The following MED23 variants were observed in gnomAD, a reference collection of about 807,000 sequenced individuals.
MED23 encodes mediator complex subunit 23.
MED23 carries 105 observed loss-of-function variants against 163.9 expected under a neutral mutation model. The ratio of observed to expected loss-of-function variants is 0.64; its 90% CI spans 0.55 to 0.75. The LOEUF is 0.75. Among genes scored for constraint, MED23 ranks in the 30% least tolerant of loss-of-function variants. MED23 has a pLI of 0.00. For synonymous variants in MED23, 561 were observed against 565.6 expected (o/e 0.99, Z 0.12); for missense variants, 1,054 against 1,649.0 (o/e 0.64, Z 6.25).
intron 18 of MED23, 139 bp downstream of exon 18, chr6:131,599,899 A>G: frequency 1.9e-6 from 2 of 1,052,332 alleles, no homozygotes; most frequent in Admixed American, 2.1e-5. Context: ...TTGTGCCACC[A>G]TGCCCAGCCC....
intron 10 of MED23, among the ~76,000 whole-genome samples, chr6:131,610,981 T>C (rs1776239194): frequency 6.6e-6 from 1 of 152,182 alleles, no homozygotes; most frequent in Admixed American, 6.5e-5. Context: ...CTTCCCTTTC[T>C]AGAGGCAAAA....
At chr6:131,593,386 T>C (rs556651769) in intron 23 of MED23, among the ~76,000 whole-genome samples, 21 of 152,326 alleles carry the variant, frequency 1.4e-4, no homozygotes, top group South Asian at 6.2e-4. Context: ...TGGGTTCTTA[T>C]AAATATGACA....
intron 12 of MED23, 108 bp downstream of exon 12, chr6:131,607,820 T>C (rs1357719322): frequency 8.0e-7 from 1 of 1,247,472 alleles, no homozygotes; most frequent in African/African-American, 1.5e-5. Flanking sequence ...TCAATTGTGA[T>C]TTAGCATAAA....
In MED23 at chr6:131,603,335, T is replaced by C. The variant is rs545648546; in HGVS notation, c.1757-131A>G. 33 of 842,906 alleles carry C rather than the reference T, an allele frequency of 3.9e-5. No individual in the cohort carries two copies. The African/African-American group carries it at 5.3e-4, about 13-fold the overall frequency. 52.2% of individuals were successfully genotyped at this position (842,906 alleles called of 1,614,324 possible). A position where few individuals can be genotyped will look rare whatever the true frequency, so the allele number is the denominator to read the frequency against. Reference sequence around the variant, plus strand: ...TACACACGCCCACACACATATATATTCTCCATATTTTCTTATTTTCTACTT... The same window carrying C: ...TACACACGCCCACACACATATATATCCTCCATATTTTCTTATTTTCTACTT... On this transcript the variant is annotated intron_variant, in intron 15 of 28. Coordinates refer to ENST00000368068, the MANE Select transcript of MED23 (RefSeq NM_004830.4).
At chr6:131,575,995 T>A (rs1773593053) in intron 30 of MED23, among the ~76,000 whole-genome samples, 1 of 152,212 alleles carries the variant, frequency 6.6e-6, no homozygotes, top group Non-Finnish European at 1.5e-5. Flanking sequence ...GTCTCTTTCA[T>A]GTCACACTCT....
At chr6:131,626,257 A>G (rs1245682206) in intron 3 of MED23, among the ~76,000 whole-genome samples, 1 of 152,134 alleles carries the variant, frequency 6.6e-6, no homozygotes, top group Non-Finnish European at 1.5e-5. Flanking sequence ...TGACTCAGCA[A>G]TACTATTTCT....
rs200823095 is a variant in MED23 at position 131,627,676 on chromosome 6, T to TAAAAA, written c.40-9_40-5dup. 5.4e-5 allele frequency: 79 copies of TAAAAA among 1,459,496 alleles called. No homozygotes were observed. The highest frequency in any genetic ancestry group is 4.4e-4 in the East Asian group (19 of 43,000). The allele number at this position is 1,459,496 out of a possible 1,614,324, so 90.4% of individuals were successfully genotyped here. A position where few individuals can be genotyped will look rare whatever the true frequency, so the allele number is the denominator to read the frequency against. On this transcript the variant is annotated splice_region_variant and splice_polypyrimidine_tract_variant and intron_variant, in intron 1 of 28. Transcript: ENST00000368068. ...CCTCTTCTATAACTTCCGTTTTCTG[T>TAAAAA]AAAAAAAAAAAAAACAAAATGTAAA...
intron 10 of MED23, 188 bp downstream of exon 10, chr6:131,615,719 A>C (rs749451129): frequency 1.5e-6 from 1 of 647,788 alleles, no homozygotes; most frequent in South Asian, 1.7e-5. Flanking sequence ...TTTTCTTTTT[A>C]AATTTAAACA....
chr6:131,622,066 C>T lies in MED23; in HGVS notation c.397-87G>A, dbSNP rs1777150780. On this transcript the variant is annotated intron_variant, in intron 5 of 28. Transcript: ENST00000368068. ...TCCGAAGGTTTCAGGGTGATATATT[C>T]CTTCAAGGTCACACCTTTAAATTTT... 3 of 881,090 alleles carry T rather than the reference C, an allele frequency of 3.4e-6. No homozygotes were observed. In the South Asian group the frequency reaches 4.3e-5, roughly 13 times the overall value. The allele number at this position is 881,090 out of a possible 1,614,324, so 54.6% of individuals were successfully genotyped here.
chr6:131,612,437 T>C (rs758407664), intron 10 of MED23, among the ~76,000 whole-genome samples: 4 of 152,066 alleles, frequency 2.6e-5, no homozygotes, highest in Non-Finnish European at 5.9e-5. Flanking sequence ...GGAACAAACA[T>C]TTGTAAAGCA....
At chr6:131,583,866 G>A, downstream of MED23, 1 of 1,614,126 alleles carries the variant, frequency 6.2e-7, no homozygotes, top group Non-Finnish European at 8.5e-7. Context: ...TTGCTCGGGA[G>A]GGTAATCACA....
chr6:131,579,057 G>GAC, intron 30 of MED23: 1 of 1,589,674 alleles, frequency 6.3e-7, no homozygotes, highest in Non-Finnish European at 8.6e-7. Flanking sequence ...ATCCTACACA[G>GAC]ACTGATTTAT....
chr6:131,617,195 G>A (rs111256776), intron 9 of MED23, among the ~76,000 whole-genome samples: 3,020 of 149,734 alleles, frequency 0.02, 120 homozygotes, highest in African/African-American at 0.071. Context: ...GTCATCTTAC[G>A]GCTTTCTAGA....
At chr6:131,618,605 CT>C (rs1170418950) in intron 8 of MED23, 86 bp from the exon 9 acceptor site, 69 of 867,416 alleles carry the variant, frequency 8.0e-5, no homozygotes, top group Middle Eastern at 6.5e-4. Flanking sequence ...AACATATATG[CT>C]GAAATAGGCA....
At chr6:131,591,593 G>T in intron 25 of MED23, 66 bp from the exon 26 acceptor site, 2 of 1,191,758 alleles carry the variant, frequency 1.7e-6, no homozygotes, top group Non-Finnish European at 2.5e-6. Flanking sequence ...AAAGTCTAAA[G>T]TAATAGTGTT....
chr6:131,628,013 C>G lies in MED23; in HGVS notation c.37G>C (p.Val13Leu). 1 of 1,614,088 alleles carries G rather than the reference C, an allele frequency of 6.2e-7. No homozygotes were observed. The highest frequency in any genetic ancestry group is 1.1e-5 in the South Asian group (1 of 91,086). The stretch of plus-strand genomic sequence containing the variant: ...GGATGGCCGGCAGCTGCACTCACCA[C>G]CACCTCTTCGAAAATGCTCTGCAGT... ...TQLQSIFEEV[V>L]KTEVIEEAFP... The change falls in exon 1 of 29, where the codon GTG becomes CTG. Residue 13 changes from valine to leucine, a missense_variant and splice_region_variant. By Grantham distance (32) the Val-to-Leu change is conservative (BLOSUM62 1). Around this residue, in one of 11 missense-constraint regions of MED23, gnomAD observed 227 missense variants for 235.5 expected, o/e 0.96. Transcript: ENST00000368068.
At chr6:131,583,399 A>T, downstream of MED23, 1 of 1,614,154 alleles carries the variant, frequency 6.2e-7, no homozygotes, top group East Asian at 2.2e-5. Context: ...GACGGACTGG[A>T]CCCATCTTTC....
At chr6:131,609,956 A>C (rs1424015092) in intron 11 of MED23, 90 bp downstream of exon 11, 3 of 1,250,996 alleles carry the variant, frequency 2.4e-6, no homozygotes, top group Non-Finnish European at 3.5e-6. Flanking sequence ...AACTTCTGTC[A>C]GTTCTAAAAT....
At chr6:131,607,808 A>G (rs1465868917) in intron 12 of MED23, 120 bp downstream of exon 12, 3 of 1,132,572 alleles carry the variant, frequency 2.6e-6, no homozygotes, top group East Asian at 2.5e-5. Context: ...TACACTTAAC[A>G]TTCAATTGTG....
Sources: gnomAD v4.1 joint callset for allele counts (sites outside exome capture counted in the v4.1 genomes callset) on GRCh38, gnomAD v4.1.1 for gene constraint, gnomAD v4.1.1 regional missense constraint, MANE v1.5 for transcripts, NCBI Gene and HGNC (gene_info 2026-07-23, HGNC 2026-07-21) for gene names.